Variants in MYH14 observed in about 807,000 individuals in gnomAD.
MYH14 encodes myosin-14.
Under a neutral mutation model 255.5 loss-of-function variants are expected in MYH14, and 123 were observed. The observed-to-expected ratio is 0.48, with a 90% CI of 0.42 to 0.56. MYH14 has a LOEUF of 0.56. MYH14 is among the 20% of genes least tolerant of loss of function. MYH14 has a pLI of 0.00. For synonymous variants in MYH14, 1,095 were observed against 1,161.2 expected (o/e 0.94, Z 1.16); for missense variants, 2,423 against 2,802.3 (o/e 0.86, Z 3.06).
At chr19:50,245,953 TCCCTCCC>T (rs2034100305) in intron 11 of MYH14, among the ~76,000 whole-genome samples, 16 of 47,050 alleles carry the variant, frequency 3.4e-4, no homozygotes, top group East Asian at 9.6e-4. Flanking sequence ...CCTCCCTCCC[TCCCTCCC>T]TCCTTCCCTC....
intron 33 of MYH14, among the ~76,000 whole-genome samples, chr19:50,283,842 G>C (rs1184045173): frequency 6.6e-6 from 1 of 152,156 alleles, no homozygotes; most frequent in East Asian, 1.9e-4. Context: ...GGAGGCCAAG[G>C]CAGGCAGATC....
chr19:50,247,865 C>A (rs576503361), intron 12 of MYH14, among the ~76,000 whole-genome samples: 1 of 151,990 alleles, frequency 6.6e-6, no homozygotes, highest in Admixed American at 6.6e-5. Flanking sequence ...AGTTCAAGAT[C>A]AGCCTGGGCA....
chr19:50,286,221 C>T, intron 33 of MYH14: 1 of 355,682 alleles, frequency 2.8e-6, no homozygotes, highest in African/African-American at 2.1e-5. Flanking sequence ...ATTTTTTCTA[C>T]TGCCACTCTT....
intron 30 of MYH14, among the ~76,000 whole-genome samples, chr19:50,279,471 T>A (rs1178611503): frequency 1.3e-5 from 2 of 151,912 alleles, no homozygotes; most frequent in Non-Finnish European, 2.9e-5. Flanking sequence ...TCGTCTCTAC[T>A]AAAAATACAA....
Position 50,293,330 on chromosome 19 carries a change from C to A in MYH14, c.5345+9C>A. 6.3e-7 allele frequency: 1 copy of A among 1,593,144 alleles called. No individual in the cohort carries two copies. ...AATGGTAACCTTAGCAAGTAAGTGC[C>A]CCAAGGGTCTGAAGGCTGAGGTACT... On this transcript the variant is annotated intron_variant, in intron 38 of 42. Transcript: ENST00000642316. The surrounding 1 kb of genome is among the most constrained non-coding windows in gnomAD (Gnocchi z 4.1).
At position 50,252,756 on chromosome 19, in the gene MYH14, G is replaced by A; in HGVS notation, c.1945+3G>A. 1.3e-6 allele frequency: 2 copies of A among 1,572,790 alleles called. No homozygotes were observed. Among genetic ancestry groups the A allele is most frequent in the Non-Finnish European group, 8.6e-7 (1 of 1,158,056 alleles). On this transcript the variant is annotated splice_donor_region_variant and intron_variant, in intron 16 of 42. Transcript: ENST00000642316. The surrounding 1 kb of genome is among the most constrained non-coding windows in gnomAD (Gnocchi z 4.2). The stretch of plus-strand genomic sequence containing the variant: ...GACGGCAGAGATCTGGAAAGACGGT[G>A]AGGACCCACTTCCCCCACCCCGGCT...
chr19:50,203,927 C>T (rs1471625664), intron 1 of MYH14, among the ~76,000 whole-genome samples: 1 of 152,162 alleles, frequency 6.6e-6, no homozygotes, highest in African/African-American at 2.4e-5. Flanking sequence ...TTGTCAGCCC[C>T]GGGCCTGTTC....
At chr19:50,267,623 A>AATAATAATAATAATAATAATAATAAT (rs2035136415) in intron 23 of MYH14, among the ~76,000 whole-genome samples, 1 of 149,146 alleles carries the variant, frequency 6.7e-6, no homozygotes. Flanking sequence ...TCTGTCTCAA[A>AATAATAATAATAATAATAATAATAAT]AATAATAATA....
Position 50,281,815 on chromosome 19 carries a change from G to A in MYH14, c.4512G>A (p.Leu1504=). 1 of 1,612,468 alleles carries A rather than the reference G, an allele frequency of 6.2e-7. No individual in the cohort carries two copies. The highest frequency in any genetic ancestry group is 8.5e-7 in the Non-Finnish European group (1 of 1,179,592). ...LEQQRQLVST[L]EKKQRKFDQL... is the part of the protein sequence containing the mutation. ...AGCAGCGGCAGCTTGTGAGCACCCT[G>A]GAGAAGAAGCAGCGCAAGTTTGACC... The change falls in exon 33 of 43, where the codon CTG becomes CTA. Residue 1504 remains leucine (L), a synonymous_variant. Transcript: ENST00000642316.
intron 40 of MYH14, among the ~76,000 whole-genome samples, chr19:50,306,794 T>C (rs1020225143): frequency 6.6e-6 from 1 of 152,122 alleles, no homozygotes; most frequent in Non-Finnish European, 1.5e-5. Context: ...ACCAAACATA[T>C]ACTTATTATA....
intron 1 of MYH14, among the ~76,000 whole-genome samples, chr19:50,206,933 G>T (rs1417103782): frequency 6.6e-6 from 1 of 151,652 alleles, no homozygotes; most frequent in Non-Finnish European, 1.5e-5. Flanking sequence ...GAGAGTAGGG[G>T]CCGGGCGTAG....
chr19:50,280,448 C>A lies in MYH14; in HGVS notation c.4290+65C>A. Reference sequence around the variant, plus strand: ...CCCCTCACTGCTCCTCCTGGGTTCCCCAGCTCAGGGATGGCCATGCTGCCC... The same window carrying A: ...CCCCTCACTGCTCCTCCTGGGTTCCACAGCTCAGGGATGGCCATGCTGCCC... On this transcript the variant is annotated intron_variant, in intron 32 of 42. Coordinates refer to ENST00000642316, the MANE Select transcript of MYH14 (RefSeq NM_001145809.2). This position sits in a 1 kb window ranked among gnomAD's most constrained non-coding sequence, Gnocchi z 4.8. 1 of 1,453,430 alleles carries A rather than the reference C, an allele frequency of 6.9e-7. No homozygotes were observed. The highest frequency in any genetic ancestry group is 1.4e-5 in the South Asian group (1 of 70,950). 90.0% of individuals were successfully genotyped at this position (1,453,430 alleles called of 1,614,324 possible).
intron 33 of MYH14, 142 bp from the exon 34 acceptor site, chr19:50,286,340 C>G: frequency 1.2e-6 from 1 of 826,788 alleles, no homozygotes; most frequent in Non-Finnish European, 1.9e-6. Context: ...ACTTTAATCC[C>G]TCTACCTCCC....
At position 50,230,740 on chromosome 19, in the gene MYH14, A is replaced by C. The variant is rs1600895256; in HGVS notation, c.973+117A>C. 1 of 813,612 alleles carries C rather than the reference A, an allele frequency of 1.2e-6. No homozygotes were observed. The highest frequency in any genetic ancestry group is 2.0e-6 in the Non-Finnish European group (1 of 510,458). 50.4% of individuals were successfully genotyped at this position (813,612 alleles called of 1,614,324 possible). A position where few individuals can be genotyped will look rare whatever the true frequency, so the allele number is the denominator to read the frequency against. On this transcript the variant is annotated intron_variant, in intron 9 of 42. Transcript: ENST00000642316. The surrounding 1 kb of genome is among the most constrained non-coding windows in gnomAD (Gnocchi z 4.7). ...GGGCTCTAATATCCGTCAAACACCGACTTCGCATGAGGCTCCCGCAGCCCC... is the reference window on the plus strand; with the variant it reads ...GGGCTCTAATATCCGTCAAACACCGCCTTCGCATGAGGCTCCCGCAGCCCC...
chr19:50,253,338 G>A (rs930176687), intron 16 of MYH14, among the ~76,000 whole-genome samples: 4 of 151,954 alleles, frequency 2.6e-5, no homozygotes, highest in African/African-American at 9.7e-5. Flanking sequence ...AGCTACTAGG[G>A]AGGCTGAGGC....
chr19:50,233,393 C>T (rs1389794761), intron 10 of MYH14, among the ~76,000 whole-genome samples: 1 of 152,158 alleles, frequency 6.6e-6, no homozygotes, highest in Non-Finnish European at 1.5e-5. Context: ...TGGTCTCGAA[C>T]CCCTGACATC....
Position 50,250,743 on chromosome 19 carries a change from A to G in MYH14, c.1830+55A>G, listed in dbSNP as rs1009234264. 1.9e-6 allele frequency: 3 copies of G among 1,551,848 alleles called. No individual in the cohort carries two copies. Among genetic ancestry groups the G allele is most frequent in the African/African-American group, 2.7e-5 (2 of 73,808 alleles). ...TGGGAGTGGGGATCAAGGGATCTCC[A>G]CTGGCTACAGATGGGGGGAGGGTGC... is the stretch of plus-strand genomic sequence containing the variant. On this transcript the variant is annotated intron_variant, in intron 15 of 42. Coordinates refer to ENST00000642316, the MANE Select transcript of MYH14 (RefSeq NM_001145809.2). This position sits in a 1 kb window ranked among gnomAD's most constrained non-coding sequence, Gnocchi z 5.4.
intron 11 of MYH14, among the ~76,000 whole-genome samples, chr19:50,246,646 A>AAAACAAAACAAACAAAC: frequency 1.5e-5 from 1 of 67,584 alleles, no homozygotes; most frequent in South Asian, 4.5e-4. Context: ...CAAAACAAAC[A>AAAACAAAACAAACAAAC]AAAAAACCAT....
In MYH14 at chr19:50,268,330, T is replaced by A; in HGVS notation, c.2996T>A (p.Met999Lys). The change falls in exon 24 of 43, where the codon ATG (methionine) becomes AAG (lysine). Residue 999 changes from methionine to lysine, a missense_variant. Met to Lys is a moderately conservative substitution (Grantham distance 95, BLOSUM62 -1). Coordinates refer to ENST00000642316, the MANE Select transcript of MYH14 (RefSeq NM_001145809.2). Reference sequence around the variant, plus strand: ...GAGGAGGAGGAGTGCAGCCGTCAAATGCAAACCGAGAAGAAGAGGCTGCAG... The same window carrying A: ...GAGGAGGAGGAGTGCAGCCGTCAAAAGCAAACCGAGAAGAAGAGGCTGCAG... ...VGEEEECSRQ[M>K]QTEKKRLQQH... The A allele has an allele frequency of 6.3e-7, 1 of 1,587,124 alleles. No homozygotes were observed. Among genetic ancestry groups the A allele is most frequent in the Non-Finnish European group, 8.6e-7 (1 of 1,167,836 alleles).
Sources: allele counts gnomAD v4.1 joint callset (sites outside exome capture counted in the v4.1 genomes callset), GRCh38; gene constraint gnomAD v4.1.1; non-coding constraint Gnocchi (gnomAD v3.1); transcripts MANE v1.5; gene names NCBI Gene and HGNC (gene_info 2026-07-23, HGNC 2026-07-21).